KDM3A: variants seen among roughly 807,000 people sequenced by gnomAD.
KDM3A encodes the protein lysine-specific demethylase 3A.
In KDM3A, 60 loss-of-function variants were observed where a neutral mutation model predicts 158.0. The ratio of observed to expected loss-of-function variants is 0.38; its 90% confidence interval spans 0.31 to 0.47. The LOEUF is 0.47. Among genes scored for constraint, KDM3A ranks in the 20% least tolerant of loss-of-function variants. KDM3A has a pLI of 0.99. For missense variants in KDM3A, 1,319 were observed against 1,574.3 expected (o/e 0.84, Z 2.74); for synonymous variants, 608 against 549.3 (o/e 1.11, Z -1.49).
chr2:86,475,936 G>T (rs898169162), intron 12 of KDM3A, among the ~76,000 whole-genome samples: 1 of 152,176 alleles, frequency 6.6e-6, no homozygotes, highest in African/African-American at 2.4e-5. Context: ...AGAGTCCAAG[G>T]AACAGGACTA....
At chr2:86,467,529 T>A (rs1372258496) in intron 10 of KDM3A, among the ~76,000 whole-genome samples, 2 of 152,206 alleles carry the variant, frequency 1.3e-5, no homozygotes, top group Admixed American at 1.3e-4. Context: ...ACTCTTCTTA[T>A]GGGGAAATTG....
At chr2:86,470,098 G>A in intron 10 of KDM3A, 106 bp from the exon 11 acceptor site, 1 of 829,600 alleles carries the variant, frequency 1.2e-6, no homozygotes, top group African/African-American at 1.7e-5. Flanking sequence ...ATTGAGAAGG[G>A]AGTTCTCTTT....
At chr2:86,464,395 G>C (rs1205187536) in intron 9 of KDM3A, among the ~76,000 whole-genome samples, 179 bp downstream of exon 9, 1 of 152,144 alleles carries the variant, frequency 6.6e-6, no homozygotes, top group African/African-American at 2.4e-5. Flanking sequence ...CATAGAAAAT[G>C]GTATAGAAGT....
chr2:86,471,267 GTGTATATATGTGTGTATATA>G (rs565650497), intron 11 of KDM3A, among the ~76,000 whole-genome samples: 9,440 of 151,482 alleles, frequency 0.062, 552 homozygotes, highest in African/African-American at 0.16. Context: ...GTATATATAT[GTGTATATATGTGTGTATATA>G]TGTATATATG....
intron 5 of KDM3A, 25 bp from the exon 6 acceptor site, chr2:86,456,417 T>TTTTC (rs1491183926): frequency 4.0e-5 from 9 of 227,354 alleles, no homozygotes; most frequent in Admixed American, 2.9e-4. Context: ...TGCTCTAAGA[T>TTTTC]TTTTTTTTTT....
At chr2:86,472,050 C>G (rs771640835) in intron 11 of KDM3A, among the ~76,000 whole-genome samples, 6 of 152,028 alleles carry the variant, frequency 3.9e-5, no homozygotes, top group Non-Finnish European at 8.8e-5. Context: ...TATGGCTCCT[C>G]TGCTATGAAA....
intron 2 of KDM3A, among the ~76,000 whole-genome samples, chr2:86,447,342 GT>G (rs1292439130): frequency 4.1e-5 from 6 of 146,498 alleles, no homozygotes; most frequent in African/African-American, 1.5e-4. Context: ...AAGGGGCCCT[GT>G]CTGTCTTTTG....
At chr2:86,445,482 G>C (rs910938466) in intron 2 of KDM3A, among the ~76,000 whole-genome samples, 1 of 151,994 alleles carries the variant, frequency 6.6e-6, no homozygotes, top group Non-Finnish European at 1.5e-5. Context: ...TTTTTTCTTT[G>C]AAGCCTACCT....
chr2:86,455,154 G>T lies in KDM3A; in HGVS notation c.523G>T (p.Val175Leu), dbSNP rs1006417228. 1 of 1,605,566 alleles carries T rather than the reference G, an allele frequency of 6.2e-7. No homozygotes were observed. The highest frequency in any genetic ancestry group is 8.5e-7 in the Non-Finnish European group (1 of 1,175,360). Reference sequence around the variant, plus strand: ...CAGTAAAGAATTTCAAGCTTTGATTGTGAAGCATTTAGATGAAAGCCATCT... The same window carrying T: ...CAGTAAAGAATTTCAAGCTTTGATTTTGAAGCATTTAGATGAAAGCCATCT... ...IVSKEFQALIVKHLDESHLLK... is the reference protein window; with the variant it reads ...IVSKEFQALILKHLDESHLLK... The change falls in exon 5 of 26, where the codon GTG becomes TTG. Residue 175 changes from valine to leucine, a missense_variant. Physicochemically the swap from Val to Leu is conservative, Grantham distance 32 (BLOSUM62 1). This residue lies in a region of KDM3A where 652 missense variants were observed against 627.2 expected (regional missense o/e 1.04). Coordinates refer to ENST00000312912, the MANE Select transcript of KDM3A (RefSeq NM_018433.6).
At chr2:86,453,302 G>T (rs1672546948) in intron 4 of KDM3A, among the ~76,000 whole-genome samples, 1 of 152,136 alleles carries the variant, frequency 6.6e-6, no homozygotes, top group South Asian at 2.1e-4. Context: ...GTACTTCAGA[G>T]AATTATCTTG....
chr2:86,448,480 T>C (rs889590627), intron 2 of KDM3A, among the ~76,000 whole-genome samples: 1 of 152,218 alleles, frequency 6.6e-6, no homozygotes. Flanking sequence ...TATTAGAATT[T>C]AATTGTCAAT....
intron 8 of KDM3A, among the ~76,000 whole-genome samples, chr2:86,462,176 T>C (rs1489104430): frequency 6.6e-6 from 1 of 151,588 alleles, no homozygotes; most frequent in Admixed American, 6.6e-5. Context: ...GGTTTATTGA[T>C]TACATATGGG....
rs202106084 is a variant in KDM3A, at chr2:86,442,164, C to T, written c.117C>T (p.Ala39=). The change falls in exon 2 of 26, where the codon GCC becomes GCT. Residue 39 remains alanine (A), a synonymous_variant. Transcript: ENST00000312912. ...ACAGCTGGGACGTGGAGCGCGTCGC[C>T]GAGTGGCCCTGGCTCTCCGGGACCA... ...SHDSWDVERV[A]EWPWLSGTIR... The T allele has an allele frequency of 1.2e-5, 19 of 1,614,078 alleles. No individual in the cohort carries two copies. The East Asian group carries it at 1.3e-4, about 11-fold the overall frequency.
upstream of KDM3A, among the ~76,000 whole-genome samples, chr2:86,440,329 G>A (rs556617029): frequency 2.6e-5 from 4 of 152,264 alleles, no homozygotes; most frequent in South Asian, 2.1e-4. Flanking sequence ...TAAAATGGGA[G>A]GCATGAGTTC....
Position 86,455,095 on chromosome 2 carries a change from G to A in KDM3A, c.464G>A (p.Ser155Asn). ...TCTTTCATTTTTCAGGATGTAAACAGTCTTCGACTTTCTCTTACGGATAAT... is the reference window on the plus strand; with the variant it reads ...TCTTTCATTTTTCAGGATGTAAACAATCTTCGACTTTCTCTTACGGATAAT... ...DLLKPIQDVN[S>N]LRLSLTDNQI... The change falls in exon 5 of 26, where the codon AGT becomes AAT. Residue 155 changes from serine (S) to asparagine (N), a missense_variant. Transcript: ENST00000312912. The A allele has an allele frequency of 1.3e-6, 2 of 1,584,516 alleles. No individual in the cohort carries two copies. The highest frequency in any genetic ancestry group is 1.4e-5 in the African/African-American group (1 of 73,442).
intron 11 of KDM3A, among the ~76,000 whole-genome samples, chr2:86,472,613 C>T (rs1017209875): frequency 3.3e-5 from 5 of 152,078 alleles, no homozygotes; most frequent in East Asian, 1.9e-4. Context: ...AAATAATTTG[C>T]GTGTGTTAGG....
chr2:86,453,975 T>C (rs1001708559), intron 4 of KDM3A, among the ~76,000 whole-genome samples: 11 of 152,214 alleles, frequency 7.2e-5, no homozygotes, highest in African/African-American at 2.7e-4. Flanking sequence ...ATTGACAGTT[T>C]CTGTATTACA....
At chr2:86,478,419 G>A (rs1052262119) in intron 14 of KDM3A, among the ~76,000 whole-genome samples, 154 bp downstream of exon 14, 1 of 152,132 alleles carries the variant, frequency 6.6e-6, no homozygotes, top group Non-Finnish European at 1.5e-5. Context: ...AACACTTTTC[G>A]AGTCAAGTTT....
At chr2:86,479,939 G>C (rs1457684430) in intron 15 of KDM3A, 4 of 543,430 alleles carry the variant, frequency 7.4e-6, no homozygotes, top group Non-Finnish European at 1.3e-5. Flanking sequence ...GAAAGGGTGC[G>C]GGGGGTAATA....
Sources: gnomAD v4.1 joint callset for allele counts (sites outside exome capture counted in the v4.1 genomes callset) on GRCh38, gnomAD v4.1.1 for gene constraint, gnomAD v4.1.1 regional missense constraint, MANE v1.5 for transcripts, NCBI Gene and HGNC (gene_info 2026-07-23, HGNC 2026-07-21) for gene names.